The following MGAT4C variants were observed in gnomAD, a reference collection of about 807,000 sequenced individuals.
The protein encoded by MGAT4C is alpha-1,3-mannosyl-glycoprotein 4-beta-N-acetylglucosaminyltransferase C.
MGAT4C carries 19 observed loss-of-function variants against 40.1 expected under a neutral mutation model. The observed-to-expected ratio is 0.47, with a 90% confidence interval of 0.33 to 0.70. The LOEUF is 0.70. Ranked by LOEUF, MGAT4C falls within the 30% of genes least tolerant of loss-of-function variation. MGAT4C has a pLI of 0.02. For synonymous variants in MGAT4C, 181 were observed against 187.1 expected (o/e 0.97, Z 0.27); for missense variants, 491 against 563.2 (o/e 0.87, Z 1.30).
chr12:86,718,413 C>T (rs538383070), intron 2 of MGAT4C, among the ~76,000 whole-genome samples: 1 of 152,118 alleles, frequency 6.6e-6, no homozygotes, highest in Non-Finnish European at 1.5e-5. Context: ...GTCTTTCATG[C>T]AGCAGCAGTC....
chr12:86,215,621 T>C (rs1279583966), intron 1 of MGAT4C, among the ~76,000 whole-genome samples: 1 of 152,170 alleles, frequency 6.6e-6, no homozygotes, highest in African/African-American at 2.4e-5. Flanking sequence ...TTTTTTTCTG[T>C]CTGCAAACAC....
chr12:86,187,521 A>C (rs1391278010), intron 1 of MGAT4C, among the ~76,000 whole-genome samples: 1 of 152,014 alleles, frequency 6.6e-6, no homozygotes, highest in Non-Finnish European at 1.5e-5. Context: ...TTGGTATAAT[A>C]GTTTTTAGAT....
At chr12:86,331,669 C>T (rs1187159885) in intron 4 of MGAT4C, among the ~76,000 whole-genome samples, 1 of 152,114 alleles carries the variant, frequency 6.6e-6, no homozygotes, top group East Asian at 1.9e-4. Flanking sequence ...ATAACCTGAT[C>T]GTCTCCTGGC....
intron 1 of MGAT4C, among the ~76,000 whole-genome samples, chr12:86,202,083 A>T (rs925934137): frequency 6.6e-6 from 1 of 152,106 alleles, no homozygotes; most frequent in African/African-American, 2.4e-5. Context: ...TGTATGAGTA[A>T]AGAGAGGCTT....
At chr12:86,261,679 C>A (rs1952661065) in intron 4 of MGAT4C, among the ~76,000 whole-genome samples, 1 of 152,074 alleles carries the variant, frequency 6.6e-6, no homozygotes, top group East Asian at 1.9e-4. Flanking sequence ...CAAGTACCTT[C>A]TGAATCATCT....
intron 2 of MGAT4C, among the ~76,000 whole-genome samples, chr12:86,008,566 C>T (rs1888134665): frequency 6.6e-6 from 1 of 152,006 alleles, no homozygotes; most frequent in South Asian, 2.1e-4. Context: ...TTTCCAATCT[C>T]TAAGACTTCA....
At chr12:86,539,642 A>C (rs1959137968) in intron 2 of MGAT4C, among the ~76,000 whole-genome samples, 1 of 152,164 alleles carries the variant, frequency 6.6e-6, no homozygotes, top group African/African-American at 2.4e-5. Context: ...TCCCACCAAC[A>C]GTGTAAAAGT....
chr12:86,160,032 A>G (rs1350917468), intron 1 of MGAT4C, among the ~76,000 whole-genome samples: 1 of 152,030 alleles, frequency 6.6e-6, no homozygotes, highest in Non-Finnish European at 1.5e-5. Context: ...TTACGTCTCA[A>G]TTTCATTAAG....
chr12:86,058,255 A>G (rs1180364089), intron 1 of MGAT4C, among the ~76,000 whole-genome samples: 1 of 152,152 alleles, frequency 6.6e-6, no homozygotes, highest in Non-Finnish European at 1.5e-5. Context: ...AAGCCCCACC[A>G]GAAAGATGAC....
At chr12:86,160,086 G>A (rs1192913189) in intron 1 of MGAT4C, among the ~76,000 whole-genome samples, 1 of 151,692 alleles carries the variant, frequency 6.6e-6, no homozygotes, top group Non-Finnish European at 1.5e-5. Context: ...GCTAGCTTTG[G>A]AGTTTATTTG....
chr12:86,451,856 A>G (rs1957429353), intron 2 of MGAT4C, among the ~76,000 whole-genome samples: 2 of 152,168 alleles, frequency 1.3e-5, no homozygotes, highest in South Asian at 4.1e-4. Flanking sequence ...CACTAAACAC[A>G]CACAATTTTA....
At chr12:86,202,113 T>C (rs1950074995) in intron 1 of MGAT4C, among the ~76,000 whole-genome samples, 1 of 152,152 alleles carries the variant, frequency 6.6e-6, no homozygotes, top group African/African-American at 2.4e-5. Context: ...TCAGTCACGA[T>C]TTTGCTGGAT....
intron 2 of MGAT4C, among the ~76,000 whole-genome samples, chr12:86,700,899 A>G (rs1950350273): frequency 6.6e-6 from 1 of 152,160 alleles, no homozygotes; most frequent in Non-Finnish European, 1.5e-5. Flanking sequence ...TTGATAGTAG[A>G]GAATTTCCTC....
chr12:86,838,527 A>G (rs1953086925), intron 1 of MGAT4C: 1 of 152,176 alleles, frequency 6.6e-6, no homozygotes, highest in South Asian at 2.1e-4. Context: ...ACCTATAAAC[A>G]TGCAGCAATA....
chr12:86,278,591 A>G (rs7973773), intron 4 of MGAT4C, among the ~76,000 whole-genome samples: 102,198 of 152,012 alleles, frequency 0.67, 34,784 homozygotes, highest in South Asian at 0.78. Flanking sequence ...AGTTCTAGTA[A>G]TTTCTTGGTG....
chr12:86,630,019 GA>G (rs1055233674), intron 2 of MGAT4C, among the ~76,000 whole-genome samples: 19 of 151,932 alleles, frequency 1.3e-4, no homozygotes, highest in African/African-American at 4.1e-4. Context: ...AACTAATAAA[GA>G]AGAAAAGAGA....
rs562241166 is a variant in MGAT4C at position 86,400,008 on chromosome 12, T to C, written c.-120+35149A>G. On this transcript the variant is annotated intron_variant, in intron 3 of 7. Transcript: ENST00000548651. ...AAGCAATGGGGTTTGTGATTGGCAT[T>C]GGAAGTTCAGGGGAGACAGTGTTGT... 3.9e-5 allele frequency among the ~76,000 whole-genome samples: 6 copies of C among 152,286 alleles called. No individual in the cohort carries two copies. The East Asian group carries it at 5.8e-4, about 15-fold the overall frequency.
chr12:86,470,087 T>A (rs1260253988), intron 2 of MGAT4C, among the ~76,000 whole-genome samples: 4 of 152,120 alleles, frequency 2.6e-5, no homozygotes, highest in Non-Finnish European at 5.9e-5. Context: ...GGAATTTGAG[T>A]TTTTTAATAT....
At chr12:86,423,716 C>A (rs1160332736) in intron 3 of MGAT4C, among the ~76,000 whole-genome samples, 1 of 152,092 alleles carries the variant, frequency 6.6e-6, no homozygotes, top group East Asian at 1.9e-4. Context: ...AATATCCATT[C>A]ATAATGTATT....
Sources: gnomAD v4.1 joint callset for allele counts (sites outside exome capture counted in the v4.1 genomes callset) on GRCh38, gnomAD v4.1.1 for gene constraint, MANE v1.5 for transcripts, NCBI Gene and HGNC (gene_info 2026-07-23, HGNC 2026-07-21) for gene names.